Variants in CDH12 observed in about 807,000 individuals in gnomAD.
CDH12 encodes the protein cadherin-12.
In CDH12, 41 loss-of-function variants were observed where a neutral mutation model predicts 74.1. The ratio of observed to expected loss-of-function variants is 0.55; its 90% CI spans 0.43 to 0.72. The LOEUF is 0.72. Ranked by LOEUF, CDH12 falls within the 30% of genes least tolerant of loss-of-function variation. The probability of loss-of-function intolerance (pLI) is 0.00; values close to 1 mark genes in which losing one functional copy is unlikely to be tolerated. For synonymous variants in CDH12, 399 were observed against 355.0 expected, an observed-to-expected ratio of 1.12 and a Z score of -1.39; for missense variants, 945 against 977.2, an observed-to-expected ratio of 0.97 and a Z score of 0.44.
intron 14 of CDH12, among the ~76,000 whole-genome samples, 187 bp from the exon 15 acceptor site, chr5:21,752,423 G>A (rs1164177103): frequency 6.6e-6 from 1 of 152,040 alleles, no homozygotes; most frequent in African/African-American, 2.4e-5. Context: ...TAACTAACAA[G>A]AAACCATAGC....
At chr5:21,857,102 A>T (rs551839436) in intron 6 of CDH12, among the ~76,000 whole-genome samples, 38 of 151,916 alleles carry the variant, frequency 2.5e-4, no homozygotes, top group African/African-American at 7.5e-4. Context: ...AATTGCCTGG[A>T]GCATGCAAAT....
chr5:22,197,297 A>C (rs1428543790), intron 4 of CDH12, among the ~76,000 whole-genome samples: 1 of 151,970 alleles, frequency 6.6e-6, no homozygotes, highest in African/African-American at 2.4e-5. Context: ...ACAAAAAAAA[A>C]ATTAGCTGGG....
intron 5 of CDH12, among the ~76,000 whole-genome samples, chr5:22,004,574 C>T (rs1265622213): frequency 3.3e-5 from 5 of 152,154 alleles, no homozygotes; most frequent in Non-Finnish European, 7.3e-5. Flanking sequence ...CCTAGATATC[C>T]GCATGGCTAA....
At chr5:22,219,048 C>A (rs1399300745) in intron 3 of CDH12, among the ~76,000 whole-genome samples, 1 of 151,634 alleles carries the variant, frequency 6.6e-6, no homozygotes, top group African/African-American at 2.4e-5. Context: ...GGTGCCATTT[C>A]AAATCAAACA....
At chr5:22,522,447 ATTG>A (rs776986302) in intron 1 of CDH12, among the ~76,000 whole-genome samples, 2 of 152,164 alleles carry the variant, frequency 1.3e-5, no homozygotes, top group Non-Finnish European at 2.9e-5. Context: ...GCTTGGGAAA[ATTG>A]TTGTTATTTG....
intron 6 of CDH12, among the ~76,000 whole-genome samples, chr5:21,915,211 C>T (rs1754032830): frequency 6.6e-6 from 1 of 152,086 alleles, no homozygotes; most frequent in Non-Finnish European, 1.5e-5. Context: ...ACAGGTTGAA[C>T]AACAGGCTAG....
At chr5:22,009,954 A>G (rs1488967473) in intron 5 of CDH12, among the ~76,000 whole-genome samples, 8 of 151,164 alleles carry the variant, frequency 5.3e-5, no homozygotes, top group East Asian at 3.9e-4. Context: ...AAAAAAAAAA[A>G]AAAAAGAAAA....
At chr5:22,738,968 G>T (rs1329771478) in intron 1 of CDH12, among the ~76,000 whole-genome samples, 2 of 151,988 alleles carry the variant, frequency 1.3e-5, no homozygotes, top group East Asian at 1.9e-4. Context: ...TTTTGGTAAA[G>T]CTCTGTACCA....
rs183316994 is a variant in CDH12 at position 22,724,266 on chromosome 5, A to G, written c.-523+128792T>C. Among the ~76,000 whole-genome samples the G allele has an allele frequency of 4.6e-5, 7 of 150,848 alleles. No individual in the cohort carries two copies. The East Asian group carries it at 1.2e-3, about 25-fold the overall frequency. Reference sequence around the variant, plus strand: ...TTTTAATTTCAATTGTTTTTGGGGTACAGGTGAGTTTGTGTTAATGGGTAA... The same window carrying G: ...TTTTAATTTCAATTGTTTTTGGGGTGCAGGTGAGTTTGTGTTAATGGGTAA... On this transcript the variant is annotated intron_variant, in intron 1 of 14. Coordinates refer to ENST00000382254, the MANE Select transcript of CDH12 (RefSeq NM_004061.5).
intron 1 of CDH12, among the ~76,000 whole-genome samples, chr5:22,661,777 A>G (rs955642238): frequency 6.6e-6 from 1 of 152,176 alleles, no homozygotes; most frequent in Non-Finnish European, 1.5e-5. Flanking sequence ...AAAGCTGGCC[A>G]GAAATTAGAT....
intron 3 of CDH12, among the ~76,000 whole-genome samples, chr5:22,301,118 CA>C (rs1349622603): frequency 2.0e-5 from 3 of 152,126 alleles, no homozygotes; most frequent in African/African-American, 7.2e-5. Context: ...CTAAGTTCGG[CA>C]ATGTATTTTT....
intron 1 of CDH12, among the ~76,000 whole-genome samples, chr5:22,617,186 T>C (rs1737735578): frequency 6.6e-6 from 1 of 151,972 alleles, no homozygotes; most frequent in South Asian, 2.1e-4. Context: ...ATTAACACCC[T>C]TAAGAAAGAG....
At chr5:22,355,734 G>A (rs1740539874) in intron 3 of CDH12, among the ~76,000 whole-genome samples, 1 of 151,926 alleles carries the variant, frequency 6.6e-6, no homozygotes, top group Non-Finnish European at 1.5e-5. Context: ...GGCACCTCAT[G>A]GGGCTCCCGG....
chr5:21,871,246 C>T (rs557619602), intron 6 of CDH12, among the ~76,000 whole-genome samples: 1 of 152,130 alleles, frequency 6.6e-6, no homozygotes, highest in Admixed American at 6.6e-5. Context: ...GGCCTAACTT[C>T]TGAATTCCAG....
chr5:22,820,611 C>G (rs1482539777), intron 1 of CDH12, among the ~76,000 whole-genome samples: 1 of 152,046 alleles, frequency 6.6e-6, no homozygotes, highest in Admixed American at 6.6e-5. Flanking sequence ...AACACCTCTA[C>G]GCAAATAAAC....
chr5:22,288,203 C>A (rs1466587571), intron 3 of CDH12, among the ~76,000 whole-genome samples: 1 of 152,168 alleles, frequency 6.6e-6, no homozygotes, highest in Non-Finnish European at 1.5e-5. Context: ...CTCCTTACAT[C>A]TTCTATCTGA....
At chr5:22,012,065 C>T (rs553482658) in intron 5 of CDH12, among the ~76,000 whole-genome samples, 1 of 151,964 alleles carries the variant, frequency 6.6e-6, no homozygotes, top group Non-Finnish European at 1.5e-5. Flanking sequence ...TTTACATACT[C>T]TTATATAATT....
intron 1 of CDH12, among the ~76,000 whole-genome samples, chr5:22,852,472 C>G (rs565970581): frequency 6.6e-6 from 1 of 152,216 alleles, no homozygotes; most frequent in South Asian, 2.1e-4. Context: ...CACAGCAGAT[C>G]TGGTAATCTA....
chr5:22,056,190 T>C (rs963182694), intron 5 of CDH12, among the ~76,000 whole-genome samples: 2 of 152,128 alleles, frequency 1.3e-5, no homozygotes, highest in Admixed American at 6.6e-5. Flanking sequence ...CCATTATGTA[T>C]AATCACATTT....
Sources: gnomAD v4.1 joint callset for allele counts (sites outside exome capture counted in the v4.1 genomes callset) on GRCh38, gnomAD v4.1.1 for gene constraint, MANE v1.5 for transcripts, NCBI Gene and HGNC (gene_info 2026-07-23, HGNC 2026-07-21) for gene names.